PLPPR1: variants seen among roughly 807,000 people sequenced by gnomAD.
PLPPR1 encodes phospholipid phosphatase-related protein type 1.
Under a neutral mutation model 33.1 loss-of-function variants are expected in PLPPR1, and 10 were observed. The observed-to-expected ratio is 0.30, with a 90% CI of 0.19 to 0.51. The LOEUF (loss-of-function observed/expected upper bound fraction) is 0.51. PLPPR1 is among the 20% of genes least tolerant of loss of function. The pLI, the probability that PLPPR1 is intolerant of heterozygous loss-of-function variation, is 0.97. For synonymous variants in PLPPR1, 151 were observed against 151.0 expected, an observed-to-expected ratio of 1.00 and a Z score of 0.00; for missense variants, 304 against 408.1, an observed-to-expected ratio of 0.74 and a Z score of 2.20.
intron 3 of PLPPR1, among the ~76,000 whole-genome samples, chr9:101,281,366 T>TA (rs998075677): frequency 6.6e-6 from 1 of 152,076 alleles, no homozygotes; most frequent in Non-Finnish European, 1.5e-5. Flanking sequence ...GCAATTCCTA[T>TA]AAAAATACCA....
chr9:101,290,651 A>T (rs1260927140), intron 4 of PLPPR1, among the ~76,000 whole-genome samples: 1 of 152,204 alleles, frequency 6.6e-6, no homozygotes, highest in Non-Finnish European at 1.5e-5. Flanking sequence ...GACTAAAATT[A>T]TTTTTTAAGT....
chr9:101,117,262 A>G (rs11789680), intron 1 of PLPPR1, among the ~76,000 whole-genome samples: 1 of 152,160 alleles, frequency 6.6e-6, no homozygotes, highest in African/African-American at 2.4e-5. Context: ...AGTCATAAAG[A>G]CCATGCTGAT....
intron 2 of PLPPR1, among the ~76,000 whole-genome samples, chr9:101,194,676 G>A (rs533542653): frequency 2.0e-5 from 3 of 151,982 alleles, no homozygotes; most frequent in South Asian, 2.1e-4. Flanking sequence ...GCTTGAACCC[G>A]GGAGGCGGAG....
intron 2 of PLPPR1, among the ~76,000 whole-genome samples, chr9:101,215,459 T>C (rs533531214): frequency 6.6e-6 from 1 of 152,132 alleles, no homozygotes; most frequent in Non-Finnish European, 1.5e-5. Context: ...TTTTTTATTT[T>C]TAGTAGAGTC....
chr9:101,270,716 G>C (rs1162687425), intron 3 of PLPPR1, among the ~76,000 whole-genome samples: 1 of 152,182 alleles, frequency 6.6e-6, no homozygotes, highest in African/African-American at 2.4e-5. Flanking sequence ...TTGCAGATCT[G>C]TGTTACCTGG....
chr9:101,121,351 A>C (rs1189930780), intron 1 of PLPPR1, among the ~76,000 whole-genome samples: 1 of 152,294 alleles, frequency 6.6e-6, no homozygotes, highest in East Asian at 1.9e-4. Flanking sequence ...CCACAGGTAA[A>C]GAAACTGAGA....
At chr9:101,140,101 A>G (rs1831430103) in intron 1 of PLPPR1, among the ~76,000 whole-genome samples, 1 of 152,212 alleles carries the variant, frequency 6.6e-6, no homozygotes, top group South Asian at 2.1e-4. Flanking sequence ...TGAGTACAAA[A>G]GGAACTAGAA....
rs1828666385 is a variant in PLPPR1 at position 101,297,330 on chromosome 9, T to A, written c.385+11094T>A. Among the ~76,000 whole-genome samples, 3 of 152,220 alleles carry A rather than the reference T, an allele frequency of 2.0e-5. No homozygotes were observed. The South Asian group carries it at 6.2e-4, about 31-fold the overall frequency. ...AAAAACTTCAACTTGCTTCTCTAAT[T>A]CTTTTGTCTCCTCTCGTCTGTGTGG... On this transcript the variant is annotated intron_variant, in intron 4 of 7. Coordinates refer to ENST00000374874, the MANE Select transcript of PLPPR1 (RefSeq NM_207299.2).
At chr9:101,321,547 A>G (rs1352447073) in intron 7 of PLPPR1, among the ~76,000 whole-genome samples, 1 of 152,104 alleles carries the variant, frequency 6.6e-6, no homozygotes, top group Non-Finnish European at 1.5e-5. Context: ...ACCAATTCTT[A>G]ATTATCCATG....
intron 1 of PLPPR1, among the ~76,000 whole-genome samples, chr9:101,093,648 C>T (rs920443598): frequency 3.3e-5 from 5 of 152,220 alleles, no homozygotes; most frequent in African/African-American, 1.2e-4. Flanking sequence ...CATCCATCTA[C>T]TCAACTGACA....
intron 1 of PLPPR1, among the ~76,000 whole-genome samples, chr9:101,042,481 C>T (rs1031765298): frequency 1.3e-5 from 2 of 152,286 alleles, no homozygotes; most frequent in East Asian, 3.9e-4. Context: ...AGCCAAGAGA[C>T]TTTCTGCTAG....
intron 1 of PLPPR1, among the ~76,000 whole-genome samples, chr9:101,151,928 T>C (rs1011417862): frequency 1.3e-5 from 2 of 152,136 alleles, no homozygotes; most frequent in Admixed American, 1.3e-4. Flanking sequence ...AAATTATACA[T>C]AGAAAATGAG....
At chr9:101,320,682 C>T (rs557107083) in intron 7 of PLPPR1, among the ~76,000 whole-genome samples, 2 of 152,196 alleles carry the variant, frequency 1.3e-5, no homozygotes, top group East Asian at 3.9e-4. Context: ...TAAATGTTTC[C>T]ACATGGATAG....
chr9:101,185,581 T>C (rs1212816136), intron 2 of PLPPR1, 24 bp downstream of exon 2: 5 of 1,450,348 alleles, frequency 3.4e-6, no homozygotes, highest in South Asian at 2.4e-5. Context: ...TTAACCTTTA[T>C]GGACAAATTG....
At chr9:101,107,770 A>G (rs1393144337) in intron 1 of PLPPR1, among the ~76,000 whole-genome samples, 1 of 133,046 alleles carries the variant, frequency 7.5e-6, no homozygotes, top group Non-Finnish European at 1.6e-5. Flanking sequence ...TTGCAGTTTA[A>G]TCTCAGACTG....
intron 1 of PLPPR1, among the ~76,000 whole-genome samples, chr9:101,061,247 A>G (rs969484348): frequency 1.3e-5 from 2 of 151,954 alleles, no homozygotes; most frequent in African/African-American, 4.8e-5. Context: ...AAATATATCT[A>G]ATTGCCTCTG....
intron 1 of PLPPR1, among the ~76,000 whole-genome samples, chr9:101,083,986 A>G (rs506884): frequency 0.57 from 86,076 of 151,956 alleles, 24,453 homozygotes; most frequent in Non-Finnish European, 0.6. Flanking sequence ...TATGGAGCAT[A>G]GAAGATAAAT....
intron 1 of PLPPR1, among the ~76,000 whole-genome samples, chr9:101,142,869 A>G (rs1365829058): frequency 6.6e-6 from 1 of 152,152 alleles, no homozygotes; most frequent in African/African-American, 2.4e-5. Flanking sequence ...GATAAGTACT[A>G]TGACAAGTGT....
intron 2 of PLPPR1, among the ~76,000 whole-genome samples, chr9:101,261,701 A>C (rs1336997305): frequency 6.6e-6 from 1 of 152,200 alleles, no homozygotes; most frequent in Non-Finnish European, 1.5e-5. Context: ...TCGCCGGAAC[A>C]TGGATAGAGC....
Sources: gnomAD v4.1 joint callset for allele counts (sites outside exome capture counted in the v4.1 genomes callset) on GRCh38, gnomAD v4.1.1 for gene constraint, MANE v1.5 for transcripts, NCBI Gene and HGNC (gene_info 2026-07-23, HGNC 2026-07-21) for gene names.